The following KRT86 variants were observed in gnomAD, a reference collection of about 807,000 sequenced individuals.
KRT86 encodes keratin 86.
In KRT86, 30 loss-of-function variants were observed where a neutral mutation model predicts 41.2. That is an observed-to-expected ratio of 0.73 (90% CI 0.54 to 0.99). KRT86 has a LOEUF of 0.99. Ranked by LOEUF, KRT86 falls within the 50% of genes least tolerant of loss-of-function variation. KRT86 has a pLI of 0.00. For missense variants in KRT86, 561 were observed against 571.4 expected, an observed-to-expected ratio of 0.98 and a Z score of 0.19; for synonymous variants, 238 against 238.1, an observed-to-expected ratio of 1.00 and a Z score of 0.00.
chr12:52,308,256 T>C lies in KRT86; in HGVS notation c.1271T>C (p.Val424Ala). ...EQRLCEGVGSVNVCVSSSRGG... is the reference protein window; with the variant it reads ...EQRLCEGVGSANVCVSSSRGG... The stretch of plus-strand genomic sequence containing the variant: ...AGGCTGTGCGAGGGCGTCGGCTCGG[T>C]GAATGTCTGTAAGTAGTGGGGTCCG... The change falls in exon 10 of 11, where the codon GTG becomes GCG. Residue 424 changes from valine to alanine, a missense_variant. Coordinates refer to ENST00000423955, the MANE Select transcript of KRT86 (RefSeq NM_001320198.2). 6.2e-7 allele frequency: 1 copy of C among 1,614,078 alleles called. No individual in the cohort carries two copies.
intron 2 of KRT86, among the ~76,000 whole-genome samples, chr12:52,299,803 C>G (rs1175919792): frequency 6.6e-6 from 1 of 152,164 alleles, no homozygotes; most frequent in East Asian, 1.9e-4. Flanking sequence ...GGTTTACTTG[C>G]TATTGAGTTG....
chr12:52,300,326 A>C (rs1202721083), intron 2 of KRT86, among the ~76,000 whole-genome samples: 1 of 152,220 alleles, frequency 6.6e-6, no homozygotes, highest in East Asian at 1.9e-4. Context: ...AATCAATTTC[A>C]TTAAAATAAA....
intron 2 of KRT86, among the ~76,000 whole-genome samples, chr12:52,297,122 C>A (rs760941491): frequency 2.0e-4 from 30 of 152,268 alleles, no homozygotes; most frequent in Non-Finnish European, 4.0e-4. Flanking sequence ...ATCTTCTCAT[C>A]AACACTGTCC....
chr12:52,301,568 C>T (rs1021149202), intron 2 of KRT86, among the ~76,000 whole-genome samples: 1 of 152,138 alleles, frequency 6.6e-6, no homozygotes, highest in African/African-American at 2.4e-5. Context: ...GAGTCACTGC[C>T]CACTCCTTCG....
At chr12:52,301,718 A>C (rs181977732) in intron 2 of KRT86, 195 bp from the exon 3 acceptor site, 1 of 1,011,976 alleles carries the variant, frequency 9.9e-7, no homozygotes, top group African/African-American at 1.6e-5. Flanking sequence ...AATTAAGTAC[A>C]TTAAGTGGGG....
At position 52,308,591 on chromosome 12, in the gene KRT86, T is replaced by G. The variant is rs763968892; in HGVS notation, c.*6T>G. The G allele has an allele frequency of 3.6e-5, 57 of 1,594,398 alleles. No individual in the cohort carries two copies. Among genetic ancestry groups the G allele is most frequent in the Middle Eastern group, 3.6e-4 (2 of 5,574 alleles). ...GCAGCTGTAAGAGGTGCTAGGAGGC[T>G]GCCGCCTCCGCCAGCGCCTGTCGCC... On this transcript the variant is annotated 3_prime_UTR_variant, in exon 11 of 11. Coordinates refer to ENST00000423955, the MANE Select transcript of KRT86 (RefSeq NM_001320198.2).
At chr12:52,275,750 A>G in intron 1 of KRT86, 71 bp from the exon 2 acceptor site, 1 of 665,776 alleles carries the variant, frequency 1.5e-6, no homozygotes, top group Non-Finnish European at 1.9e-6. Flanking sequence ...TGGTGACAGC[A>G]GGTGGATGGG....
chr12:52,307,532 C>G (rs1938544411), intron 9 of KRT86, among the ~76,000 whole-genome samples: 1 of 152,184 alleles, frequency 6.6e-6, no homozygotes, highest in Non-Finnish European at 1.5e-5. Flanking sequence ...TTAGGGGAAG[C>G]TATTGGGAGG....
chr12:52,301,690 T>C lies in KRT86; in HGVS notation c.-4-223T>C, dbSNP rs376062718. On this transcript the variant is annotated intron_variant, in intron 2 of 10. Coordinates refer to ENST00000423955, the MANE Select transcript of KRT86 (RefSeq NM_001320198.2). Reference sequence around the variant, plus strand: ...GTTTAGGGCAAGAGATCATAACATCTGGCTGCTTCTGGGCACCAATTAAGT... The same window carrying C: ...GTTTAGGGCAAGAGATCATAACATCCGGCTGCTTCTGGGCACCAATTAAGT... The C allele has an allele frequency of 9.7e-5, 31 of 318,232 alleles. No individual in the cohort carries two copies. In the East Asian group the frequency reaches 4.6e-3, roughly 47 times the overall value. 19.7% of individuals were successfully genotyped at this position (318,232 alleles called of 1,614,324 possible). A position where few individuals can be genotyped will look rare whatever the true frequency, so the allele number is the denominator to read the frequency against.
intron 2 of KRT86, among the ~76,000 whole-genome samples, chr12:52,293,269 A>C (rs1938177246): frequency 6.6e-6 from 1 of 152,198 alleles, no homozygotes; most frequent in African/African-American, 2.4e-5. Context: ...TTCTCACATC[A>C]ATCATATGAA....
At chr12:52,306,446 C>T (rs1938521499) in intron 9 of KRT86, among the ~76,000 whole-genome samples, 166 bp downstream of exon 9, 1 of 152,258 alleles carries the variant, frequency 6.6e-6, no homozygotes, top group Non-Finnish European at 1.5e-5. Context: ...CCGTTTGAGT[C>T]TCTCATGTTC....
At chr12:52,304,890 A>C (rs369615308) in intron 5 of KRT86, 42 bp from the exon 6 acceptor site, 1 of 1,604,060 alleles carries the variant, frequency 6.2e-7, no homozygotes, top group African/African-American at 1.3e-5. Flanking sequence ...TAGAGGCTGG[A>C]TCACCAGGGT....
chr12:52,285,615 A>C (rs1217826732), intron 2 of KRT86, among the ~76,000 whole-genome samples: 1 of 152,210 alleles, frequency 6.6e-6, no homozygotes, highest in Non-Finnish European at 1.5e-5. Context: ...CGACACACAC[A>C]GGGCTTAAAC....
chr12:52,288,946 G>T (rs1287065627), intron 2 of KRT86, among the ~76,000 whole-genome samples: 1 of 143,866 alleles, frequency 7.0e-6, no homozygotes, highest in Non-Finnish European at 1.5e-5. Context: ...CTCAGCAATA[G>T]ACCACAACCT....
intron 2 of KRT86, among the ~76,000 whole-genome samples, chr12:52,298,250 G>A (rs568575097): frequency 2.6e-5 from 4 of 152,158 alleles, no homozygotes; most frequent in Non-Finnish European, 5.9e-5. Context: ...TTCTTTTCGA[G>A]GACAAATGGA....
At chr12:52,283,412 A>G (rs1247129418) in intron 2 of KRT86, among the ~76,000 whole-genome samples, 1 of 145,334 alleles carries the variant, frequency 6.9e-6, no homozygotes, top group Non-Finnish European at 1.5e-5. Flanking sequence ...AAAAAAAAAA[A>G]AAAAGAATAA....
At chr12:52,295,841 G>A (rs1269512912) in intron 2 of KRT86, among the ~76,000 whole-genome samples, 1 of 152,080 alleles carries the variant, frequency 6.6e-6, no homozygotes, top group African/African-American at 2.4e-5. Flanking sequence ...ATTGTGCAAA[G>A]CTTTGTGGTA....
At chr12:52,296,002 G>C (rs1015458454) in intron 2 of KRT86, among the ~76,000 whole-genome samples, 1 of 152,148 alleles carries the variant, frequency 6.6e-6, no homozygotes, top group Non-Finnish European at 1.5e-5. Context: ...TGGGCTATAA[G>C]GGGGTGGTGG....
rs766441670 is a variant in KRT86 at position 52,305,376 on chromosome 12, C to A, written c.872C>A (p.Ala291Asp). 6.2e-7 allele frequency: 1 copy of A among 1,614,120 alleles called. No individual in the cohort carries two copies. Among genetic ancestry groups the A allele is most frequent in the African/African-American group, 1.3e-5 (1 of 74,946 alleles). ...QYDDIVTRSR[A>D]EAESWYRSKC... ...GATGACATTGTCACCCGTAGCCGGG[C>A]TGAGGCCGAGTCCTGGTACCGCAGC... Residue 291 changes from alanine to aspartate, a missense_variant, in exon 7 of 11, where the codon GCT (alanine) becomes GAT (aspartate). Coordinates refer to ENST00000423955, the MANE Select transcript of KRT86 (RefSeq NM_001320198.2).
Sources: gnomAD v4.1 joint callset for allele counts (sites outside exome capture counted in the v4.1 genomes callset) on GRCh38, gnomAD v4.1.1 for gene constraint, MANE v1.5 for transcripts, NCBI Gene and HGNC (gene_info 2026-07-23, HGNC 2026-07-21) for gene names.